DCC: variants seen among roughly 807,000 people sequenced by gnomAD.
DCC encodes the protein DCC netrin 1 receptor.
A neutral mutation model predicts 172.5 loss-of-function variants in DCC; 58 were observed. That is an observed-to-expected ratio of 0.34 (90% CI 0.27 to 0.42). DCC has a LOEUF of 0.42. Among genes scored for constraint, DCC ranks in the 10% least tolerant of loss-of-function variants. DCC has a pLI of 1.00. For synonymous variants in DCC, 709 were observed against 644.5 expected (o/e 1.10, Z -1.52); for missense variants, 1,740 against 1,791.0 (o/e 0.97, Z 0.51).
chr18:52,498,149 T>C (rs193208829), intron 1 of DCC, among the ~76,000 whole-genome samples: 45 of 152,302 alleles, frequency 3.0e-4, no homozygotes, highest in Middle Eastern at 3.4e-3. Context: ...TATTTAAAAA[T>C]GTAAAATCCA....
chr18:52,837,500 CT>C (rs2038727216), intron 2 of DCC, among the ~76,000 whole-genome samples: 1 of 152,176 alleles, frequency 6.6e-6, no homozygotes, highest in Admixed American at 6.5e-5. Context: ...TGCCACCAGT[CT>C]CTTTGCATAA....
At chr18:52,606,580 A>G (rs1285212644) in intron 1 of DCC, among the ~76,000 whole-genome samples, 1 of 152,188 alleles carries the variant, frequency 6.6e-6, no homozygotes, top group East Asian at 1.9e-4. Flanking sequence ...TTCTCAGAAG[A>G]TAAAGATCGC....
At chr18:53,146,741 C>T (rs752227496) in intron 7 of DCC, among the ~76,000 whole-genome samples, 4 of 152,178 alleles carry the variant, frequency 2.6e-5, no homozygotes, top group Admixed American at 6.5e-5. Flanking sequence ...ACCTGCCAAG[C>T]GTATGCTTTG....
At chr18:52,977,168 A>G (rs35882478) in intron 5 of DCC, among the ~76,000 whole-genome samples, 5,357 of 152,152 alleles carry the variant, frequency 0.035, 123 homozygotes, top group African/African-American at 0.054. Context: ...ACCCCTCATA[A>G]CTAAGCTCAG....
chr18:53,466,210 C>T (rs2045619443), intron 24 of DCC, among the ~76,000 whole-genome samples: 1 of 152,184 alleles, frequency 6.6e-6, no homozygotes. Flanking sequence ...ATGAGCTACA[C>T]ACTCAGTGGT....
At position 53,378,263 on chromosome 18, in the gene DCC, T is replaced by G. The variant is rs192027740; in HGVS notation, c.2360-7780T>G. ...GGTGTGAGCCCGACCCTGATTTTCT[T>G]TTAAACCTCCAACACAATTTTTTTA... On this transcript the variant is annotated intron_variant, in intron 15 of 28. Transcript: ENST00000442544. 1.3e-3 allele frequency among the ~76,000 whole-genome samples: 198 copies of G among 152,300 alleles called. 1 individual carries two copies. Among genetic ancestry groups the G allele is most frequent in the Non-Finnish European group, 2.1e-3 (145 of 68,020 alleles).
At chr18:52,481,484 G>C (rs78209917) in intron 1 of DCC, among the ~76,000 whole-genome samples, 7 of 151,970 alleles carry the variant, frequency 4.6e-5, no homozygotes, top group African/African-American at 1.5e-4. Context: ...GGCCCTACTC[G>C]CAGATTTACT....
intron 1 of DCC, among the ~76,000 whole-genome samples, chr18:52,370,658 G>A (rs1398426775): frequency 2.0e-5 from 3 of 152,016 alleles, no homozygotes; most frequent in Admixed American, 1.3e-4. Flanking sequence ...AAACCACCAC[G>A]ACACACATTT....
intron 5 of DCC, among the ~76,000 whole-genome samples, chr18:52,931,332 T>A (rs1468439823): frequency 6.6e-6 from 1 of 152,154 alleles, no homozygotes; most frequent in African/African-American, 2.4e-5. Context: ...TTCATAATTT[T>A]TAAGAATTTA....
Position 52,786,723 on chromosome 18 carries a change from G to A in DCC, c.412+34349G>A, listed in dbSNP as rs150237594. On this transcript the variant is annotated intron_variant, in intron 2 of 28. Transcript: ENST00000442544. ...ATGTTCCAAGATAAACTTGGAGTTC[G>A]TGGACCTGTTAGAAAGTGACATTCT... 1.5e-4 allele frequency among the ~76,000 whole-genome samples: 23 copies of A among 152,110 alleles called. No homozygotes were observed. In the East Asian group the frequency reaches 3.3e-3, roughly 22 times the overall value.
intron 5 of DCC, among the ~76,000 whole-genome samples, chr18:52,948,616 T>A (rs2040586854): frequency 6.6e-6 from 1 of 152,148 alleles, no homozygotes; most frequent in African/African-American, 2.4e-5. Context: ...AAGTTAGGAT[T>A]CATGTTCACC....
At chr18:53,392,001 GA>G (rs1908579964) in intron 17 of DCC, 114 bp downstream of exon 17, 4 of 702,814 alleles carry the variant, frequency 5.7e-6, no homozygotes, top group Non-Finnish European at 1.0e-5. Context: ...TATCTATGTA[GA>G]AAAACAAAGC....
rs184550771 is a variant in DCC at position 53,028,958 on chromosome 18, T to C, written c.986-34347T>C. On this transcript the variant is annotated intron_variant, in intron 5 of 28. Transcript: ENST00000442544. Reference sequence around the variant, plus strand: ...GTTTTTTCTTTTTCCATTTGAGCTATAGTTTTAAGAGGGAGAAATGCATAT... The same window carrying C: ...GTTTTTTCTTTTTCCATTTGAGCTACAGTTTTAAGAGGGAGAAATGCATAT... Among the ~76,000 whole-genome samples the C allele has an allele frequency of 5.1e-3, 784 of 152,312 alleles. 6 individuals carry two copies. The highest frequency in any genetic ancestry group is 0.022 in the Admixed American group (340 of 15,280).
At chr18:53,377,980 T>G (rs1907427244) in intron 15 of DCC, among the ~76,000 whole-genome samples, 1 of 152,124 alleles carries the variant, frequency 6.6e-6, no homozygotes, top group African/African-American at 2.4e-5. Flanking sequence ...ATTAATTTAT[T>G]TTTTTAAGAC....
chr18:52,343,004 A>G (rs1384405468), intron 1 of DCC, among the ~76,000 whole-genome samples: 2 of 152,216 alleles, frequency 1.3e-5, no homozygotes, highest in Non-Finnish European at 2.9e-5. Context: ...ACATACACAC[A>G]CATACACATG....
chr18:53,128,326 T>C (rs1002748368), intron 7 of DCC, among the ~76,000 whole-genome samples: 1 of 152,134 alleles, frequency 6.6e-6, no homozygotes, highest in Non-Finnish European at 1.5e-5. Flanking sequence ...TGGCTAGTCT[T>C]GAAGAGATGT....
chr18:52,932,640 C>T (rs1439681673), intron 5 of DCC, among the ~76,000 whole-genome samples: 1 of 152,026 alleles, frequency 6.6e-6, no homozygotes, highest in Non-Finnish European at 1.5e-5. Flanking sequence ...TGTAATTGCC[C>T]TCTAGGAATG....
chr18:53,204,350 GCAA>G (rs1435689186), intron 9 of DCC, among the ~76,000 whole-genome samples: 1 of 152,006 alleles, frequency 6.6e-6, no homozygotes, highest in African/African-American at 2.4e-5. Flanking sequence ...ACTGTCCTGG[GCAA>G]CAACATAGTG....
chr18:52,610,129 C>G (rs4940192), intron 1 of DCC, among the ~76,000 whole-genome samples: 36,337 of 99,624 alleles, frequency 0.36, 6,423 homozygotes, highest in Middle Eastern at 0.42. Context: ...ACCTGGCCAA[C>G]ATGGCAAAAC....
Sources: gnomAD v4.1 joint callset for allele counts (sites outside exome capture counted in the v4.1 genomes callset) on GRCh38, gnomAD v4.1.1 for gene constraint, MANE v1.5 for transcripts, NCBI Gene and HGNC (gene_info 2026-07-23, HGNC 2026-07-21) for gene names.